Variants in FMN1 observed in about 807,000 individuals in gnomAD.
The protein encoded by FMN1 is formin 1.
A neutral mutation model predicts 132.4 loss-of-function variants in FMN1; 110 were observed. The observed-to-expected ratio is 0.83, with a 90% CI of 0.71 to 0.97. FMN1 has a LOEUF of 0.97. Ranked by LOEUF, FMN1 falls within the 50% of genes least tolerant of loss-of-function variation. The pLI is 0.00. For synonymous variants in FMN1, 722 were observed against 651.7 expected, an observed-to-expected ratio of 1.11 and a Z score of -1.64; for missense variants, 1,792 against 1,705.3, an observed-to-expected ratio of 1.05 and a Z score of -0.90.
At chr15:33,092,432 G>A (rs764828311) in intron 4 of FMN1, among the ~76,000 whole-genome samples, 35 of 152,076 alleles carry the variant, frequency 2.3e-4, no homozygotes, top group Admixed American at 2.2e-3. Flanking sequence ...TATTTCCCCT[G>A]CCACGTGACT....
chr15:32,952,504 AG>A (rs2061676020), intron 9 of FMN1, among the ~76,000 whole-genome samples: 3 of 152,212 alleles, frequency 2.0e-5, no homozygotes, highest in Admixed American at 6.5e-5. Context: ...ACCACACCCA[AG>A]GTGAAGGCTC....
At chr15:33,109,755 T>C (rs1595491081) in intron 4 of FMN1, among the ~76,000 whole-genome samples, 1 of 151,462 alleles carries the variant, frequency 6.6e-6, no homozygotes, top group Non-Finnish European at 1.5e-5. Flanking sequence ...ACCTGGGTGA[T>C]GAAATAATAT....
chr15:32,835,224 C>T (rs1329424235), intron 17 of FMN1, among the ~76,000 whole-genome samples: 1 of 152,174 alleles, frequency 6.6e-6, no homozygotes, highest in Non-Finnish European at 1.5e-5. Context: ...ATCACAGATA[C>T]TCATGAACAA....
At chr15:33,169,824 T>A (rs1438663684) in intron 3 of FMN1, among the ~76,000 whole-genome samples, 1 of 146,460 alleles carries the variant, frequency 6.8e-6, no homozygotes, top group Non-Finnish European at 1.5e-5. Flanking sequence ...GTGAACCAGA[T>A]GAGGCCACTA....
At chr15:32,795,330 C>T (rs1005809715) in intron 19 of FMN1, among the ~76,000 whole-genome samples, 2 of 152,162 alleles carry the variant, frequency 1.3e-5, no homozygotes, top group African/African-American at 4.8e-5. Context: ...AACTCACCTG[C>T]AAGTCCTTGC....
At chr15:33,046,148 G>A (rs962723661) in intron 6 of FMN1, among the ~76,000 whole-genome samples, 3 of 151,994 alleles carry the variant, frequency 2.0e-5, no homozygotes, top group Admixed American at 1.3e-4. Flanking sequence ...TCAATCTCTA[G>A]AGAAATCATT....
At chr15:32,811,733 C>T (rs944238462) in intron 17 of FMN1, among the ~76,000 whole-genome samples, 10 of 151,356 alleles carry the variant, frequency 6.6e-5, no homozygotes, top group Admixed American at 6.6e-5. Flanking sequence ...GGTGCGATCT[C>T]GGCTCACTGC....
intron 6 of FMN1, among the ~76,000 whole-genome samples, chr15:33,030,029 G>C (rs753732369): frequency 2.0e-5 from 3 of 152,132 alleles, no homozygotes; most frequent in Non-Finnish European, 4.4e-5. Context: ...GTGGTGGCGG[G>C]TACCTGTAGT....
rs932552428 is a variant in FMN1, at chr15:32,782,469, T to A, written c.4131-5550A>T. ...TTAAACAAGGAAAAAGAAAAGATAC[T>A]CAAGGCCACCCAAATGTGCTAAATA... On this transcript the variant is annotated intron_variant, in intron 19 of 20. Coordinates refer to ENST00000616417, the MANE Select transcript of FMN1 (RefSeq NM_001277313.2). 3.3e-5 allele frequency among the ~76,000 whole-genome samples: 5 copies of A among 152,314 alleles called. 1 individual carries two copies. The highest frequency in any genetic ancestry group is 1.3e-4 in the Admixed American group (2 of 15,298).
chr15:32,798,643 C>T (rs894388883), intron 19 of FMN1, among the ~76,000 whole-genome samples, 161 bp downstream of exon 19: 1 of 152,118 alleles, frequency 6.6e-6, no homozygotes, highest in Non-Finnish European at 1.5e-5. Context: ...AAGCTTTCCC[C>T]GAATTTCCCT....
intron 15 of FMN1, among the ~76,000 whole-genome samples, chr15:32,893,369 C>CGTGT (rs148715603): frequency 4.7e-5 from 7 of 150,054 alleles, no homozygotes; most frequent in Non-Finnish European, 7.4e-5. Context: ...GTTTTGATTG[C>CGTGT]GTGTGTGTGT....
chr15:32,770,412 AG>A lies in FMN1; in HGVS notation c.*3897del, dbSNP rs2056193673. The stretch of plus-strand genomic sequence containing the variant: ...AAAATTTCTCTGTTGCAAACATCAT[AG>A]AGAAAATGTGCAATCCCAGGCCAAT... On this transcript the variant is annotated 3_prime_UTR_variant, in exon 21 of 21. Coordinates refer to ENST00000616417, the MANE Select transcript of FMN1 (RefSeq NM_001277313.2). The A allele has an allele frequency of 6.5e-5, 1 of 15,482 alleles. No individual in the cohort carries two copies. Among genetic ancestry groups the A allele is most frequent in the African/African-American group, 1.0e-4 (1 of 9,932 alleles). The allele number at this position is 15,482 out of a possible 1,614,324, so 1.0% of individuals were successfully genotyped here. A position where few individuals can be genotyped will look rare whatever the true frequency, so the allele number is the denominator to read the frequency against.
At chr15:33,155,608 A>G (rs1964639516) in intron 3 of FMN1, among the ~76,000 whole-genome samples, 1 of 152,254 alleles carries the variant, frequency 6.6e-6, no homozygotes, top group African/African-American at 2.4e-5. Flanking sequence ...AAAAATTTCA[A>G]TGTAAAAGTT....
At chr15:33,172,250 G>T (rs1965357419) in intron 3 of FMN1, among the ~76,000 whole-genome samples, 1 of 151,878 alleles carries the variant, frequency 6.6e-6, no homozygotes, top group Admixed American at 6.6e-5. Flanking sequence ...TTCTATTTAA[G>T]ACACTTATGG....
At chr15:33,006,441 G>C (rs1017034162) in intron 7 of FMN1, among the ~76,000 whole-genome samples, 4 of 152,104 alleles carry the variant, frequency 2.6e-5, no homozygotes, top group African/African-American at 9.7e-5. Flanking sequence ...GCACACTGTT[G>C]GTAGGAATGT....
At chr15:33,189,320 C>T (rs1382919065) in intron 2 of FMN1, among the ~76,000 whole-genome samples, 1 of 152,052 alleles carries the variant, frequency 6.6e-6, no homozygotes, top group East Asian at 1.9e-4. Flanking sequence ...AGGACTGATG[C>T]CAATTCTGTA....
intron 4 of FMN1, among the ~76,000 whole-genome samples, chr15:33,140,817 A>G (rs957766222): frequency 1.1e-4 from 16 of 152,360 alleles, no homozygotes; most frequent in African/African-American, 3.1e-4. Context: ...AAGGGGAAGA[A>G]AAGAAAGGTA....
At chr15:33,100,757 C>G (rs377616873) in intron 4 of FMN1, among the ~76,000 whole-genome samples, 8 of 152,136 alleles carry the variant, frequency 5.3e-5, no homozygotes, top group Non-Finnish European at 1.2e-4. Context: ...GAATCATCAT[C>G]GTTGTTATTT....
intron 4 of FMN1, among the ~76,000 whole-genome samples, chr15:33,147,946 T>A (rs971451902): frequency 2.6e-5 from 4 of 152,008 alleles, no homozygotes; most frequent in Non-Finnish European, 4.4e-5. Flanking sequence ...AAAAAAAAAA[T>A]ATTGTTTCTG....
Sources: gnomAD v4.1 joint callset for allele counts (sites outside exome capture counted in the v4.1 genomes callset) on GRCh38, gnomAD v4.1.1 for gene constraint, MANE v1.5 for transcripts, NCBI Gene and HGNC (gene_info 2026-07-23, HGNC 2026-07-21) for gene names.